MICAL1: variants seen among roughly 807,000 people sequenced by gnomAD.
MICAL1 encodes microtubule associated monooxygenase, calponin and LIM domain containing 1.
A neutral mutation model predicts 131.8 loss-of-function variants in MICAL1; 95 were observed. That is an observed-to-expected ratio of 0.72 (90% confidence interval 0.61 to 0.86). The LOEUF is 0.86. MICAL1 is among the 40% of genes least tolerant of loss of function. The probability of loss-of-function intolerance (pLI) is 0.00; values close to 1 mark genes in which losing one functional copy is unlikely to be tolerated. For synonymous variants in MICAL1, 546 were observed against 554.2 expected (o/e 0.99, Z 0.21); for missense variants, 1,292 against 1,380.6 (o/e 0.94, Z 1.02).
intron 1 of MICAL1, among the ~76,000 whole-genome samples, chr6:109,461,186 A>G (rs1004760124): frequency 7.1e-6 from 1 of 140,794 alleles, no homozygotes; most frequent in African/African-American, 2.7e-5. Context: ...ATTCCCATCT[A>G]TGAGTGAGAA....
chr6:109,445,928 T>C (rs921804355), intron 19 of MICAL1, 66 bp from the exon 20 acceptor site: 2 of 1,554,956 alleles, frequency 1.3e-6, no homozygotes, highest in Non-Finnish European at 1.7e-6. Flanking sequence ...ACAAAGAGCA[T>C]GGTGGTGACG....
chr6:109,452,321 T>A lies in MICAL1; in HGVS notation c.757A>T (p.Thr253Ser), dbSNP rs1775575742. ...NFVNGRTVEE[T>S]QVPEISGVAR... The stretch of plus-strand genomic sequence containing the variant: ...ACACCACTGATCTCCGGCACCTGTG[T>A]CTCCTCCACGGTGCGTCCATTCACA... Residue 253 changes from threonine to serine, a missense_variant, in exon 6 of 25, where the codon ACA becomes TCA. Coordinates refer to ENST00000358807, the MANE Select transcript of MICAL1 (RefSeq NM_022765.4). 1 of 1,614,038 alleles carries A rather than the reference T, an allele frequency of 6.2e-7. No homozygotes were observed. The highest frequency in any genetic ancestry group is 8.5e-7 in the Non-Finnish European group (1 of 1,180,030).
At chr6:109,465,812 T>C in exon 1 of MICAL1, 1 of 1,614,136 alleles carries the variant, frequency 6.2e-7, no homozygotes, top group South Asian at 1.1e-5. Flanking sequence ...AGCTGGCTTA[T>C]AAGAAGAGCC....
chr6:109,450,009 C>A lies in MICAL1; in HGVS notation c.1268G>T (p.Trp423Leu). Residue 423 changes from tryptophan to leucine, a missense_variant, in exon 9 of 25, where the codon TGG (tryptophan) becomes TTG (leucine). Physicochemically the swap from Trp to Leu is moderately conservative, Grantham distance 61 (BLOSUM62 -2). Coordinates refer to ENST00000358807, the MANE Select transcript of MICAL1 (RefSeq NM_022765.4). ...CTCTAGGGACTCAGCGCCCTCTGCC[C>A]ACCGCTTCACCATCCAGGCTGCATC... ...AFDAAWMVKR[W>L]AEGAESLEVL... 6.2e-7 allele frequency: 1 copy of A among 1,614,106 alleles called. No individual in the cohort carries two copies. Among genetic ancestry groups the A allele is most frequent in the Non-Finnish European group, 8.5e-7 (1 of 1,179,996 alleles).
intron 12 of MICAL1, 46 bp downstream of exon 12, chr6:109,448,686 C>T: frequency 6.2e-7 from 1 of 1,610,750 alleles, no homozygotes; most frequent in East Asian, 2.2e-5. Context: ...TATGCTAACT[C>T]CTACACTGAG....
At chr6:109,453,414 G>A in intron 3 of MICAL1, 47 bp from the exon 4 acceptor site, 1 of 1,587,316 alleles carries the variant, frequency 6.3e-7, no homozygotes, top group Non-Finnish European at 8.6e-7. Flanking sequence ...GGCAGCACAA[G>A]CTCCCCATGT....
chr6:109,462,540 A>G (rs906018659), intron 1 of MICAL1: 4 of 152,150 alleles, frequency 2.6e-5, no homozygotes, highest in Non-Finnish European at 5.9e-5. Flanking sequence ...ATTTATGAAA[A>G]CCTAGATAAG....
At chr6:109,458,808 G>A (rs1247379603), upstream of MICAL1, among the ~76,000 whole-genome samples, 2 of 152,116 alleles carry the variant, frequency 1.3e-5, no homozygotes, top group African/African-American at 2.4e-5. Context: ...ATATGGCTTT[G>A]TACCTGCAGG....
intron 19 of MICAL1, 46 bp from the exon 20 acceptor site, chr6:109,445,908 C>A: frequency 6.4e-7 from 1 of 1,568,864 alleles, no homozygotes; most frequent in Non-Finnish European, 8.7e-7. Context: ...GCGCCTGCCC[C>A]AGTCAGGCAA....
intron 5 of MICAL1, 50 bp downstream of exon 5, chr6:109,452,461 C>T (rs2115337251): frequency 6.2e-7 from 1 of 1,611,454 alleles, no homozygotes; most frequent in East Asian, 2.2e-5. Flanking sequence ...TCTAGAAAGG[C>T]CCAGGATGTG....
rs560383669 is a variant in MICAL1 at position 109,451,611 on chromosome 6, C to A, written c.922G>T (p.Val308Leu). ...AKKQCLLRLG[V>L]LRQDWPDTNR... ...GGACTGGGCCTCACCTGGCGCAGCACCCCCAGCCGCAGCAGGCACTGCTTC... is the reference window on the plus strand; with the variant it reads ...GGACTGGGCCTCACCTGGCGCAGCAACCCCAGCCGCAGCAGGCACTGCTTC... Residue 308 changes from valine (V) to leucine (L), a missense_variant, in exon 7 of 25, where the codon GTG becomes TTG. Val to Leu is a conservative substitution (Grantham distance 32, BLOSUM62 1). Coordinates refer to ENST00000358807, the MANE Select transcript of MICAL1 (RefSeq NM_022765.4). The A allele has an allele frequency of 4.3e-6, 7 of 1,613,782 alleles. No individual in the cohort carries two copies. The highest frequency in any genetic ancestry group is 2.2e-5 in the East Asian group (1 of 44,878).
intron 1 of MICAL1, chr6:109,465,395 T>A: frequency 2.0e-6 from 1 of 501,464 alleles, no homozygotes; most frequent in Admixed American, 3.7e-5. Context: ...ACTTGTCTTG[T>A]GGTAACAACT....
chr6:109,448,755 C>T lies in MICAL1; in HGVS notation c.1641G>A (p.Val547=), dbSNP rs772460084. The change falls in exon 12 of 25, where the codon GTG becomes GTA. Residue 547 remains valine, a synonymous_variant. Coordinates refer to ENST00000358807, the MANE Select transcript of MICAL1 (RefSeq NM_022765.4). ...WADGLALCAL[V]YRLQPGLLEP... is the part of the protein sequence containing the mutation. ...ACAGCAGGCCAGGCTGCAGCCGGTACACCAGGGCACACAGAGCTAGCCCAT... is the reference window on the plus strand; with the variant it reads ...ACAGCAGGCCAGGCTGCAGCCGGTATACCAGGGCACACAGAGCTAGCCCAT... 1.2e-6 allele frequency: 2 copies of T among 1,614,070 alleles called. No homozygotes were observed. Among genetic ancestry groups the T allele is most frequent in the Non-Finnish European group, 1.7e-6 (2 of 1,179,978 alleles).
rs981936471 is a variant in MICAL1, at chr6:109,452,346, A to G, written c.732T>C (p.Phe244=). ...GKLAIGITAN[F]VNGRTVEETQ... is the part of the protein sequence containing the mutation. ...TCTCCTCCACGGTGCGTCCATTCAC[A>G]AAGTTGGCTGTGATGCCAATGGCCA... The change falls in exon 6 of 25, where the codon TTT becomes TTC. Residue 244 remains phenylalanine, a synonymous_variant. Coordinates refer to ENST00000358807, the MANE Select transcript of MICAL1 (RefSeq NM_022765.4). 1.2e-6 allele frequency: 2 copies of G among 1,614,202 alleles called. No homozygotes were observed. Among genetic ancestry groups the G allele is most frequent in the East Asian group, 4.5e-5 (2 of 44,874 alleles).
chr6:109,447,207 G>A lies in MICAL1; in HGVS notation c.2093C>T (p.Ala698Val). The A allele has an allele frequency of 1.2e-6, 2 of 1,614,084 alleles. No individual in the cohort carries two copies. The highest frequency in any genetic ancestry group is 1.6e-4 in the Middle Eastern group (1 of 6,062). ...HQEAGAGDLC[A>V]LCGEHLYVLE... is the part of the protein sequence containing the mutation. Reference sequence around the variant, plus strand: ...GACATAGAGGTGTTCCCCACAAAGTGCACACAGGTCCCCAGCACCGGCCTG... The same window carrying A: ...GACATAGAGGTGTTCCCCACAAAGTACACACAGGTCCCCAGCACCGGCCTG... Residue 698 changes from alanine to valine, a missense_variant, in exon 17 of 25, where the codon GCA becomes GTA. By Grantham distance (64) the Ala-to-Val change is moderately conservative. Coordinates refer to ENST00000358807, the MANE Select transcript of MICAL1 (RefSeq NM_022765.4).
upstream of MICAL1, among the ~76,000 whole-genome samples, chr6:109,460,523 T>TACACACACACAC (rs113472586): frequency 0.014 from 2,110 of 147,750 alleles, 30 homozygotes; most frequent in South Asian, 0.062. Context: ...TATATATAAA[T>TACACACACACAC]ACACACACAC....
At chr6:109,465,648 C>G in intron 1 of MICAL1, 1 of 1,556,994 alleles carries the variant, frequency 6.4e-7, no homozygotes, top group East Asian at 2.4e-5. Context: ...TTGAAATGCT[C>G]AATACAAATC....
In MICAL1 at chr6:109,452,595, G is replaced by C. The variant is rs370169875; in HGVS notation, c.592C>G (p.Leu198Val). 3.2e-5 allele frequency: 51 copies of C among 1,612,432 alleles called. No homozygotes were observed. Among genetic ancestry groups the C allele is most frequent in the Non-Finnish European group, 4.1e-5 (48 of 1,179,722 alleles). Residue 198 changes from leucine to valine, a missense_variant, in exon 5 of 25, where the codon CTC becomes GTC. Physicochemically the swap from Leu to Val is conservative, Grantham distance 32. Transcript: ENST00000358807. The stretch of plus-strand genomic sequence containing the variant: ...AGCTGGGCAGGGGGGTTGGGTTGGA[G>C]CTGGGCACGCCAGCCACTCCCTAGG... ...PRKGSGWRAQ[L>V]QPNPPAQLAN...
chr6:109,461,278 C>G (rs2115348412), intron 1 of MICAL1, among the ~76,000 whole-genome samples: 1 of 152,286 alleles, frequency 6.6e-6, no homozygotes, highest in East Asian at 1.9e-4. Flanking sequence ...CTGCAAAGGA[C>G]ATGAACTCAT....
Sources: gnomAD v4.1 joint callset for allele counts (sites outside exome capture counted in the v4.1 genomes callset) on GRCh38, gnomAD v4.1.1 for gene constraint, MANE v1.5 for transcripts, NCBI Gene and HGNC (gene_info 2026-07-23, HGNC 2026-07-21) for gene names.